Variants in PLCL2 observed in about 807,000 individuals in gnomAD.
PLCL2 encodes inactive phospholipase C-like protein 2.
A neutral mutation model predicts 79.6 loss-of-function variants in PLCL2; 4 were observed. The observed-to-expected ratio is 0.05, with a 90% CI of 0.02 to 0.11. The LOEUF (loss-of-function observed/expected upper bound fraction) is 0.11. Ranked by LOEUF, PLCL2 falls within the 10% of genes least tolerant of loss-of-function variation. PLCL2 has a pLI of 1.00. For missense variants in PLCL2, 895 were observed against 1,291.0 expected (o/e 0.69, Z 4.70); for synonymous variants, 484 against 457.7 (o/e 1.06, Z -0.73).
intron 3 of PLCL2, among the ~76,000 whole-genome samples, chr3:17,019,310 TG>T (rs1270054186): frequency 6.6e-6 from 1 of 152,222 alleles, no homozygotes; most frequent in Non-Finnish European, 1.5e-5. Flanking sequence ...CAAAGGGCTA[TG>T]CTCAGAATTA....
At chr3:16,916,428 G>A (rs1696997162) in intron 1 of PLCL2, among the ~76,000 whole-genome samples, 1 of 152,184 alleles carries the variant, frequency 6.6e-6, no homozygotes, top group Admixed American at 6.5e-5. Flanking sequence ...ATGGCCCATA[G>A]CATAGAGGAA....
chr3:16,926,925 G>A (rs558317850), intron 1 of PLCL2, among the ~76,000 whole-genome samples: 61 of 152,052 alleles, frequency 4.0e-4, no homozygotes, highest in African/African-American at 1.4e-3. Context: ...CACCGCGCCC[G>A]GCCACATTTT....
chr3:17,049,542 A>C (rs756735822), intron 4 of PLCL2, among the ~76,000 whole-genome samples: 5 of 152,334 alleles, frequency 3.3e-5, no homozygotes, highest in Admixed American at 6.5e-5. Flanking sequence ...AACAGTGAAC[A>C]ATTTGAAAAG....
intron 1 of PLCL2, among the ~76,000 whole-genome samples, chr3:16,943,349 G>A (rs988119844): frequency 2.6e-5 from 4 of 152,082 alleles, no homozygotes; most frequent in African/African-American, 9.7e-5. Context: ...GTTGCTTTAG[G>A]TATAGTCAAA....
chr3:17,018,516 CTTTTTTCATACCTATCTACT>C (rs1230045825), intron 3 of PLCL2, among the ~76,000 whole-genome samples: 1 of 152,098 alleles, frequency 6.6e-6, no homozygotes, highest in Non-Finnish European at 1.5e-5. Context: ...CCTTGAGTCC[CTTTTTTCATACCTATCTACT>C]TTTTTTCAAC....
In PLCL2 at chr3:16,950,939, T is replaced by G. The variant is rs187738507; in HGVS notation, c.328-58735T>G. Among the ~76,000 whole-genome samples the G allele has an allele frequency of 2.6e-3, 394 of 152,244 alleles. 1 individual carries two copies. Among genetic ancestry groups the G allele is most frequent in the Admixed American group, 6.0e-3 (91 of 15,280 alleles). ...CCTTCTGAATCTTTGTTCATAAGTT[T>G]GGATGATCTATGGTTTTCTTTTTTT... On this transcript the variant is annotated intron_variant, in intron 1 of 5. Transcript: ENST00000615277.
chr3:16,894,328 G>C, intron 1 of PLCL2, among the ~76,000 whole-genome samples: 1 of 152,084 alleles, frequency 6.6e-6, no homozygotes, highest in East Asian at 1.9e-4. Context: ...TACTGGTTTT[G>C]AGAATGTCTT....
chr3:16,944,884 C>T (rs148897065), intron 1 of PLCL2, among the ~76,000 whole-genome samples: 74 of 151,924 alleles, frequency 4.9e-4, no homozygotes, highest in African/African-American at 1.2e-3. Context: ...CTCAGCCTCC[C>T]GAGTAGCTGG....
At chr3:17,014,429 CTT>C (rs1204294089) in intron 2 of PLCL2, among the ~76,000 whole-genome samples, 4 of 152,132 alleles carry the variant, frequency 2.6e-5, no homozygotes, top group Non-Finnish European at 4.4e-5. Flanking sequence ...CTACTATGAA[CTT>C]TGGGCTGAAA....
At chr3:17,052,629 C>T (rs1227948750) in intron 4 of PLCL2, among the ~76,000 whole-genome samples, 1 of 152,082 alleles carries the variant, frequency 6.6e-6, no homozygotes, top group Non-Finnish European at 1.5e-5. Context: ...CTGAGTGTGC[C>T]TGCCTCCCCT....
chr3:17,007,202 C>G (rs1335885239), intron 1 of PLCL2, among the ~76,000 whole-genome samples: 1 of 152,062 alleles, frequency 6.6e-6, no homozygotes, highest in Non-Finnish European at 1.5e-5. Flanking sequence ...ACCTGTAATC[C>G]TAGCACTTTG....
At chr3:16,945,335 T>C (rs1241798338) in intron 1 of PLCL2, among the ~76,000 whole-genome samples, 1 of 152,174 alleles carries the variant, frequency 6.6e-6, no homozygotes, top group Admixed American at 6.5e-5. Context: ...TTATATATCT[T>C]ACATGCCATG....
intron 1 of PLCL2, 71 bp downstream of exon 1, chr3:16,885,437 G>A: frequency 3.7e-6 from 2 of 541,080 alleles, no homozygotes; most frequent in African/African-American, 4.0e-5. Flanking sequence ...CTGGGGGAGT[G>A]GTGGTGGAAG....
At chr3:17,061,575 A>G (rs1186212006) in intron 4 of PLCL2, among the ~76,000 whole-genome samples, 1 of 152,138 alleles carries the variant, frequency 6.6e-6, no homozygotes, top group African/African-American at 2.4e-5. Context: ...TATTTAAATT[A>G]TAAAGTATTT....
chr3:17,089,679 A>T (rs577214737), intron 5 of PLCL2, 54 bp from the exon 6 acceptor site: 78 of 1,028,920 alleles, frequency 7.6e-5, no homozygotes, highest in Non-Finnish European at 1.1e-4. Context: ...TTGTTGAAGT[A>T]TAACACTAAG....
intron 1 of PLCL2, among the ~76,000 whole-genome samples, chr3:16,931,084 C>G (rs1416708512): frequency 6.6e-6 from 1 of 151,988 alleles, no homozygotes; most frequent in Non-Finnish European, 1.5e-5. Context: ...AATACTACAT[C>G]CTTGGCAAGC....
chr3:16,980,962 C>G (rs2063987942), intron 1 of PLCL2, among the ~76,000 whole-genome samples: 1 of 152,234 alleles, frequency 6.6e-6, no homozygotes, highest in South Asian at 2.1e-4. Context: ...AGCGAAACCT[C>G]GTCTCCACCA....
rs75013787 is a variant in PLCL2, at chr3:16,895,382, C to T, written c.327+10016C>T. 7.8e-3 allele frequency among the ~76,000 whole-genome samples: 1,184 copies of T among 152,148 alleles called. 17 individuals are homozygous for T. The highest frequency in any genetic ancestry group is 0.027 in the African/African-American group (1,107 of 41,516). ...ATTTTTCATGTTTAGATCTGGATTT[C>T]ATTTTGTGTGTGTGGTGTGAGGTAG... On this transcript the variant is annotated intron_variant, in intron 1 of 5. Transcript: ENST00000615277.
At chr3:16,948,370 G>GT (rs1383978248) in intron 1 of PLCL2, among the ~76,000 whole-genome samples, 1 of 152,104 alleles carries the variant, frequency 6.6e-6, no homozygotes, top group Non-Finnish European at 1.5e-5. Context: ...GTCGGGGGTT[G>GT]GGGGGACAAG....
Sources: allele counts gnomAD v4.1 joint callset (sites outside exome capture counted in the v4.1 genomes callset), GRCh38; gene constraint gnomAD v4.1.1; transcripts MANE v1.5; gene names NCBI Gene and HGNC (gene_info 2026-07-23, HGNC 2026-07-21).